Variants in SCLT1 observed in about 807,000 individuals in gnomAD.
SCLT1 encodes sodium channel-associated protein 1.
In SCLT1, 78 loss-of-function variants were observed where a neutral mutation model predicts 112.8. That is an observed-to-expected ratio of 0.69 (90% CI 0.58 to 0.83). SCLT1 has a LOEUF of 0.83. Ranked by LOEUF, SCLT1 falls within the 40% of genes least tolerant of loss-of-function variation. The pLI is 0.00. For synonymous variants in SCLT1, 257 were observed against 254.7 expected, an observed-to-expected ratio of 1.01 and a Z score of -0.09; for missense variants, 747 against 770.4, an observed-to-expected ratio of 0.97 and a Z score of 0.36.
intron 2 of SCLT1, among the ~76,000 whole-genome samples, chr4:129,078,098 TGC>T (rs984490552): frequency 2.6e-5 from 4 of 152,190 alleles, no homozygotes; most frequent in African/African-American, 4.8e-5. Flanking sequence ...AAGATTTGGT[TGC>T]AAGACAACAA....
chr4:129,092,249 C>T (rs1334982701), intron 1 of SCLT1, among the ~76,000 whole-genome samples: 1 of 152,160 alleles, frequency 6.6e-6, no homozygotes, highest in Non-Finnish European at 1.5e-5. Context: ...CTGCACTTGC[C>T]ATTTCCCTAT....
chr4:128,992,710 C>G (rs562129612), intron 8 of SCLT1, among the ~76,000 whole-genome samples: 1 of 151,922 alleles, frequency 6.6e-6, no homozygotes, highest in East Asian at 1.9e-4. Flanking sequence ...TTAAAAAGCC[C>G]TTTATTGGCT....
At chr4:129,086,321 A>C (rs201138462) in intron 1 of SCLT1, among the ~76,000 whole-genome samples, 1 of 47,498 alleles carries the variant, frequency 2.1e-5, no homozygotes, top group Non-Finnish European at 5.9e-5. Flanking sequence ...ATGTATATAT[A>C]TATATATATA....
At chr4:129,017,736 T>C (rs78944987) in intron 5 of SCLT1, among the ~76,000 whole-genome samples, 2,954 of 152,306 alleles carry the variant, frequency 0.019, 84 homozygotes, top group African/African-American at 0.061. Flanking sequence ...TTGGTTGGCT[T>C]GATATTAAGA....
intron 17 of SCLT1, among the ~76,000 whole-genome samples, chr4:128,937,639 C>A (rs2125983255): frequency 6.6e-6 from 1 of 152,250 alleles, no homozygotes; most frequent in Admixed American, 6.5e-5. Context: ...TTTACCACTT[C>A]AGCTCCAGTA....
At chr4:128,923,126 C>T (rs537845794) in intron 18 of SCLT1, among the ~76,000 whole-genome samples, 2 of 152,022 alleles carry the variant, frequency 1.3e-5, no homozygotes, top group South Asian at 2.1e-4. Context: ...CAAAAGCATA[C>T]ACTCATGTAA....
At chr4:129,030,556 G>C (rs1013330710) in intron 5 of SCLT1, among the ~76,000 whole-genome samples, 3 of 151,884 alleles carry the variant, frequency 2.0e-5, no homozygotes, top group East Asian at 1.9e-4. Flanking sequence ...AATATAGACG[G>C]ACCTCTAGCT....
chr4:129,000,985 T>A (rs1172429632), intron 6 of SCLT1, among the ~76,000 whole-genome samples: 1 of 151,982 alleles, frequency 6.6e-6, no homozygotes, highest in Non-Finnish European at 1.5e-5. Flanking sequence ...AATTAAAAAT[T>A]TTAAAAGCGG....
At chr4:128,939,808 C>T (rs6840353) in intron 17 of SCLT1, among the ~76,000 whole-genome samples, 40,724 of 152,008 alleles carry the variant, frequency 0.27, 5,818 homozygotes, top group East Asian at 0.32. Flanking sequence ...CTGTCTTTAT[C>T]TTTTTGGCTT....
intron 2 of SCLT1, among the ~76,000 whole-genome samples, chr4:129,051,270 A>G (rs1426583807): frequency 6.6e-6 from 1 of 152,086 alleles, no homozygotes; most frequent in East Asian, 1.9e-4. Context: ...TAGACAGTCA[A>G]TGGTAGCTTG....
At chr4:128,943,437 T>C (rs1434592781) in intron 16 of SCLT1, among the ~76,000 whole-genome samples, 1 of 152,134 alleles carries the variant, frequency 6.6e-6, no homozygotes, top group African/African-American at 2.4e-5. Context: ...AGAAAATCAA[T>C]GTGAGACTTC....
At chr4:129,065,585 C>T (rs1328244581) in intron 2 of SCLT1, among the ~76,000 whole-genome samples, 4 of 152,084 alleles carry the variant, frequency 2.6e-5, no homozygotes, top group South Asian at 2.1e-4. Context: ...TAGCTGTGTT[C>T]CAATAAATCT....
chr4:129,075,076 ATTGTATTG>A (rs1158627119), intron 2 of SCLT1, among the ~76,000 whole-genome samples: 4 of 152,106 alleles, frequency 2.6e-5, no homozygotes, highest in African/African-American at 9.7e-5. Context: ...TGTCAATAAT[ATTGTATTG>A]TGGTTATGTA....
chr4:129,082,359 C>T lies in SCLT1; in HGVS notation c.49G>A (p.Glu17Lys). The T allele has an allele frequency of 6.3e-7, 1 of 1,592,330 alleles. No homozygotes were observed. Among genetic ancestry groups the T allele is most frequent in the South Asian group, 1.1e-5 (1 of 88,256 alleles). Residue 17 changes from glutamate (E) to lysine (K), a missense_variant, in exon 2 of 21, where the codon GAA becomes AAA. By Grantham distance (56) the Glu-to-Lys change is moderately conservative (BLOSUM62 1). This residue lies in a region of SCLT1 where 723 missense variants were observed against 721.3 expected (regional missense o/e 1.00). Transcript: ENST00000281142. ...FLREQNRRLNEDFRRYQMESF... is the reference protein window; with the variant it reads ...FLREQNRRLNKDFRRYQMESF... Reference sequence around the variant, plus strand: ...TCCATTTGATACCGCCTAAAATCTTCATTTAGTCTTCGATCTGAAACAAGC... The same window carrying T: ...TCCATTTGATACCGCCTAAAATCTTTATTTAGTCTTCGATCTGAAACAAGC...
chr4:128,948,335 C>CAAAAAAA (rs11312069), intron 15 of SCLT1, among the ~76,000 whole-genome samples, 161 bp downstream of exon 15: 17 of 47,952 alleles, frequency 3.5e-4, no homozygotes, highest in East Asian at 5.9e-4. Context: ...GACTCCATTG[C>CAAAAAAA]AAAAAAAAAA....
intron 2 of SCLT1, among the ~76,000 whole-genome samples, chr4:129,069,184 G>A (rs1579921054): frequency 6.6e-6 from 1 of 152,192 alleles, no homozygotes; most frequent in Non-Finnish European, 1.5e-5. Flanking sequence ...TGGCCTTAGA[G>A]TATAGTTTGA....
chr4:128,996,687 A>G (rs978617694), intron 8 of SCLT1, among the ~76,000 whole-genome samples: 1 of 152,084 alleles, frequency 6.6e-6, no homozygotes. Context: ...TCTTTTCTAT[A>G]TTTTTATAAA....
intron 4 of SCLT1, chr4:129,040,335 T>C: frequency 4.9e-6 from 3 of 614,576 alleles, no homozygotes; most frequent in South Asian, 3.7e-5. Flanking sequence ...AAGAATGCCA[T>C]GGCAAGAGGT....
intron 4 of SCLT1, chr4:129,039,900 GCACACA>G (rs36041794): frequency 0.082 from 17,815 of 216,540 alleles, 373 homozygotes; most frequent in East Asian, 0.16. Context: ...GTGCGCGCGC[GCACACA>G]CACACACACA....
Sources: gnomAD v4.1 joint callset for allele counts (sites outside exome capture counted in the v4.1 genomes callset) on GRCh38, gnomAD v4.1.1 for gene constraint, gnomAD v4.1.1 regional missense constraint, MANE v1.5 for transcripts, NCBI Gene and HGNC (gene_info 2026-07-23, HGNC 2026-07-21) for gene names.